The following COG5 variants were observed in gnomAD, a reference collection of about 807,000 sequenced individuals.
The protein encoded by COG5 is component of oligomeric golgi complex 5.
COG5 carries 86 observed loss-of-function variants against 110.4 expected under a neutral mutation model. That is an observed-to-expected ratio of 0.78 (90% CI 0.65 to 0.93). The LOEUF (loss-of-function observed/expected upper bound fraction) is 0.93, where lower values mean the gene tolerates loss of function less well. Ranked by LOEUF, COG5 falls within the 40% of genes least tolerant of loss-of-function variation. The probability of loss-of-function intolerance (pLI) is 0.00; values close to 1 mark genes in which losing one functional copy is unlikely to be tolerated. For synonymous variants in COG5, 360 were observed against 334.6 expected, an observed-to-expected ratio of 1.08 and a Z score of -0.83; for missense variants, 1,077 against 987.0, an observed-to-expected ratio of 1.09 and a Z score of -1.22.
chr7:107,220,103 C>T (rs953244449), intron 19 of COG5, among the ~76,000 whole-genome samples: 2 of 152,228 alleles, frequency 1.3e-5, no homozygotes, highest in African/African-American at 4.8e-5. Context: ...GCTCTTAATT[C>T]TGCAATGCAG....
chr7:107,490,345 T>G (rs1425188785), intron 6 of COG5, among the ~76,000 whole-genome samples: 1 of 152,146 alleles, frequency 6.6e-6, no homozygotes, highest in Non-Finnish European at 1.5e-5. Context: ...CCATCTTTAA[T>G]GCAGAAATCT....
chr7:107,226,964 T>A (rs993564048), intron 19 of COG5, among the ~76,000 whole-genome samples: 5 of 152,212 alleles, frequency 3.3e-5, no homozygotes, highest in African/African-American at 9.6e-5. Context: ...ATTATTCTTA[T>A]GTGCCTGAGG....
intron 17 of COG5, among the ~76,000 whole-genome samples, chr7:107,245,634 C>G (rs936568178): frequency 6.6e-6 from 1 of 152,072 alleles, no homozygotes; most frequent in Non-Finnish European, 1.5e-5. Flanking sequence ...AAGAATAAAA[C>G]ATCTAGGAAT....
At chr7:107,525,433 G>T (rs755715973) in intron 6 of COG5, among the ~76,000 whole-genome samples, 2 of 151,982 alleles carry the variant, frequency 1.3e-5, no homozygotes, top group African/African-American at 2.4e-5. Context: ...AACTATTGTT[G>T]GTGCACAGAT....
At chr7:107,489,379 T>C (rs1009462522) in intron 6 of COG5, among the ~76,000 whole-genome samples, 3 of 152,168 alleles carry the variant, frequency 2.0e-5, no homozygotes, top group Non-Finnish European at 4.4e-5. Flanking sequence ...AGAGGTGCCA[T>C]CTATCACATT....
chr7:107,563,495 C>T, intron 1 of COG5: 1 of 437,378 alleles, frequency 2.3e-6, no homozygotes. Flanking sequence ...TGGCTGCCAA[C>T]GCGGTCCACA....
intron 14 of COG5, among the ~76,000 whole-genome samples, chr7:107,266,447 C>G (rs1803810039): frequency 6.6e-6 from 1 of 152,156 alleles, no homozygotes; most frequent in Admixed American, 6.5e-5. Flanking sequence ...TACATCTCTT[C>G]TCTGCTTTTA....
At chr7:107,532,575 G>A (rs12668402) in intron 5 of COG5, among the ~76,000 whole-genome samples, 42,901 of 151,818 alleles carry the variant, frequency 0.28, 6,096 homozygotes, top group East Asian at 0.33. Context: ...ATTTTTAAAT[G>A]ACATTAAAGA....
rs912779106 is a variant in COG5 at position 107,412,586 on chromosome 7, T to C, written c.585A>G (p.Glu195=). The stretch of plus-strand genomic sequence containing the variant: ...CTCTTGCAATAAAAAGTAGATCATT[T>C]TCTATCACTTCTATTCCAGAAAGAT... ...GIDLSGIEVI[E]NDLLFIARAR... Residue 195 remains glutamate (E), a synonymous_variant, in exon 7 of 22, where the codon GAA becomes GAG. Coordinates refer to ENST00000297135, the MANE Select transcript of COG5 (RefSeq NM_006348.5). The C allele has an allele frequency of 1.9e-6, 3 of 1,584,626 alleles. No homozygotes were observed. Among genetic ancestry groups the C allele is most frequent in the African/African-American group, 2.7e-5 (2 of 74,364 alleles).
intron 11 of COG5, among the ~76,000 whole-genome samples, chr7:107,312,239 T>C (rs980312930): frequency 6.6e-6 from 1 of 152,240 alleles, no homozygotes; most frequent in Non-Finnish European, 1.5e-5. Flanking sequence ...CAGAGGTCCT[T>C]CAAATTAATA....
intron 19 of COG5, among the ~76,000 whole-genome samples, chr7:107,228,162 A>G (rs1800501550): frequency 6.6e-6 from 1 of 151,738 alleles, no homozygotes; most frequent in Non-Finnish European, 1.5e-5. Context: ...TTAGCTGGGC[A>G]TGGTGGCACA....
intron 10 of COG5, among the ~76,000 whole-genome samples, chr7:107,346,179 T>C (rs925322401): frequency 6.6e-6 from 1 of 152,210 alleles, no homozygotes; most frequent in Admixed American, 6.5e-5. Context: ...AGTTTCTAAA[T>C]ACATTTTTAT....
chr7:107,421,988 A>C (rs1793326021), intron 6 of COG5, among the ~76,000 whole-genome samples: 1 of 152,194 alleles, frequency 6.6e-6, no homozygotes, highest in South Asian at 2.1e-4. Context: ...TTGTGTTTTT[A>C]GAAGAAAAAC....
chr7:107,407,513 C>A (rs1791938903), intron 7 of COG5, among the ~76,000 whole-genome samples: 1 of 151,716 alleles, frequency 6.6e-6, no homozygotes, highest in Admixed American at 6.6e-5. Context: ...AGTACTAGGT[C>A]TTAATGAACG....
chr7:107,495,286 T>C lies in COG5; in HGVS notation c.538+31951A>G, dbSNP rs142140912. 9.9e-4 allele frequency among the ~76,000 whole-genome samples: 151 copies of C among 152,264 alleles called. 1 individual carries two copies. Among genetic ancestry groups the C allele is most frequent in the Middle Eastern group, 3.4e-3 (1 of 294 alleles). ...CCAACTTTGCCAGAATCCTTGGCGA[T>C]AGCTAACTACACAGGTACAGGGAAA... On this transcript the variant is annotated intron_variant, in intron 6 of 21. Coordinates refer to ENST00000297135, the MANE Select transcript of COG5 (RefSeq NM_006348.5).
chr7:107,492,446 CAAGATGTTTCCATGGCTGTAT>C (rs1798031777), intron 6 of COG5, among the ~76,000 whole-genome samples: 1 of 152,026 alleles, frequency 6.6e-6, no homozygotes, highest in African/African-American at 2.4e-5. Context: ...AAGCTAAAAC[CAAGATGTTTCCATGGCTGTAT>C]TCCCTTCTGG....
At position 107,531,056 on chromosome 7, in the gene COG5, T is replaced by A. The variant is rs114645977; in HGVS notation, c.418-3699A>T. Among the ~76,000 whole-genome samples, 1,280 of 150,666 alleles carry A rather than the reference T, an allele frequency of 8.5e-3. 25 individuals carry two copies. The highest frequency in any genetic ancestry group is 0.028 in the African/African-American group (1,168 of 41,130). On this transcript the variant is annotated intron_variant, in intron 5 of 21. Coordinates refer to ENST00000297135, the MANE Select transcript of COG5 (RefSeq NM_006348.5). ...TAATCACTTCCTTACTTTTTTTTTT[T>A]ATTACTGAAGTACAAATACCTAAGT...
intron 5 of COG5, among the ~76,000 whole-genome samples, chr7:107,537,433 T>C (rs1801665458): frequency 2.0e-5 from 3 of 152,248 alleles, no homozygotes; most frequent in South Asian, 4.1e-4. Context: ...GCTCATGTCC[T>C]TTGCAGGGAC....
chr7:107,558,025 G>A lies in COG5; in HGVS notation c.185C>T (p.Ala62Val), dbSNP rs886061875. ...IHQAVIAEQL[A>V]KLAQGISQLD... ...CTGACTGATTCCTTGGGCAAGTTTT[G>A]CTAGTTGTTCAGCAATTACAGCTTG... The change falls in exon 2 of 22, where the codon GCA (alanine) becomes GTA (valine). Residue 62 changes from alanine to valine, a missense_variant. Physicochemically the swap from Ala to Val is moderately conservative, Grantham distance 64. Coordinates refer to ENST00000297135, the MANE Select transcript of COG5 (RefSeq NM_006348.5). 8 of 1,613,888 alleles carry A rather than the reference G, an allele frequency of 5.0e-6. No homozygotes were observed. Among genetic ancestry groups the A allele is most frequent in the African/African-American group, 2.7e-5 (2 of 74,906 alleles).
Sources: allele counts gnomAD v4.1 joint callset (sites outside exome capture counted in the v4.1 genomes callset), GRCh38; gene constraint gnomAD v4.1.1; transcripts MANE v1.5; gene names NCBI Gene and HGNC (gene_info 2026-07-23, HGNC 2026-07-21).